Variants in CSMD1 observed in about 807,000 individuals in gnomAD.
CSMD1 encodes CUB and Sushi multiple domains 1.
In CSMD1, 213 loss-of-function variants were observed where a neutral mutation model predicts 417.5. The ratio of observed to expected loss-of-function variants is 0.51; its 90% CI spans 0.46 to 0.57. CSMD1 has a LOEUF of 0.57. Among genes scored for constraint, CSMD1 ranks in the 20% least tolerant of loss-of-function variants. CSMD1 has a pLI of 0.00. For missense variants in CSMD1, 6,923 were observed against 4,529.7 expected, an observed-to-expected ratio of 1.53 and a Z score of -15.17; for synonymous variants, 2,862 against 1,736.8, an observed-to-expected ratio of 1.65 and a Z score of -16.11.
At chr8:3,663,508 C>A (rs1436040400) in intron 7 of CSMD1, among the ~76,000 whole-genome samples, 2 of 152,154 alleles carry the variant, frequency 1.3e-5, no homozygotes, top group Non-Finnish European at 2.9e-5. Flanking sequence ...CCCAAAATCA[C>A]TGAGCTACAG....
intron 4 of CSMD1, among the ~76,000 whole-genome samples, chr8:4,027,289 G>C (rs908681228): frequency 1.3e-5 from 2 of 152,176 alleles, no homozygotes; most frequent in African/African-American, 4.8e-5. Context: ...TGTTAGGAGA[G>C]AGTGAGTCAG....
intron 5 of CSMD1, among the ~76,000 whole-genome samples, chr8:3,939,708 C>T (rs1396730974): frequency 6.6e-6 from 1 of 152,034 alleles, no homozygotes; most frequent in Non-Finnish European, 1.5e-5. Flanking sequence ...AAAAACAGTG[C>T]CTTTTGCAGC....
intron 26 of CSMD1, among the ~76,000 whole-genome samples, chr8:3,251,869 T>C (rs1800292140): frequency 6.6e-6 from 1 of 151,992 alleles, no homozygotes; most frequent in South Asian, 2.1e-4. Flanking sequence ...TTTCTTTGTC[T>C]GTTGTTGGTG....
At chr8:4,959,678 T>G (rs1164223333) in intron 1 of CSMD1, among the ~76,000 whole-genome samples, 1 of 152,240 alleles carries the variant, frequency 6.6e-6, no homozygotes, top group Non-Finnish European at 1.5e-5. Flanking sequence ...TTGTCTAACT[T>G]TGATCAAAAC....
intron 10 of CSMD1, among the ~76,000 whole-genome samples, chr8:3,534,847 T>C (rs925718254): frequency 7.2e-5 from 11 of 152,224 alleles, no homozygotes; most frequent in African/African-American, 2.7e-4. Flanking sequence ...GTTGCTCTTT[T>C]GCCTAGATGT....
At chr8:3,481,313 T>C (rs748070654) in intron 11 of CSMD1, among the ~76,000 whole-genome samples, 4 of 152,088 alleles carry the variant, frequency 2.6e-5, no homozygotes, top group African/African-American at 9.7e-5. Flanking sequence ...CTATACAATA[T>C]AAACTGGACT....
chr8:3,831,650 T>A (rs576613603), intron 5 of CSMD1, among the ~76,000 whole-genome samples: 1 of 152,182 alleles, frequency 6.6e-6, no homozygotes, highest in South Asian at 2.1e-4. Context: ...TCAAAAGGAA[T>A]CTATGACAAA....
intron 7 of CSMD1, among the ~76,000 whole-genome samples, chr8:3,658,592 G>C (rs531468200): frequency 2.6e-5 from 4 of 151,658 alleles, no homozygotes; most frequent in African/African-American, 7.3e-5. Context: ...AGACCAGCTT[G>C]GCCAACATGA....
chr8:3,646,313 TAA>T (rs1178972802), intron 7 of CSMD1, among the ~76,000 whole-genome samples: 1 of 152,188 alleles, frequency 6.6e-6, no homozygotes, highest in Non-Finnish European at 1.5e-5. Flanking sequence ...CTAAATATAC[TAA>T]AATATAGAAG....
chr8:3,172,185 C>A (rs897950007), intron 37 of CSMD1, among the ~76,000 whole-genome samples: 1 of 152,110 alleles, frequency 6.6e-6, no homozygotes, highest in African/African-American at 2.4e-5. Context: ...CCTTTTTCAA[C>A]CTTCTTTCCT....
At chr8:3,848,091 A>G (rs966487538) in intron 5 of CSMD1, among the ~76,000 whole-genome samples, 2 of 108,036 alleles carry the variant, frequency 1.9e-5, no homozygotes, top group African/African-American at 4.5e-5. Flanking sequence ...CTCTCTCTCT[A>G]AATATATATA....
chr8:3,651,158 G>C (rs1797834153), intron 7 of CSMD1, among the ~76,000 whole-genome samples: 1 of 152,090 alleles, frequency 6.6e-6, no homozygotes, highest in African/African-American at 2.4e-5. Context: ...GCCGGTCTTT[G>C]TACTTTCCCC....
chr8:4,399,380 G>C (rs1245658203), intron 3 of CSMD1, among the ~76,000 whole-genome samples: 5 of 152,158 alleles, frequency 3.3e-5, no homozygotes, highest in South Asian at 2.1e-4. Context: ...AATTAGAATA[G>C]AGTTTCAAAC....
intron 5 of CSMD1, among the ~76,000 whole-genome samples, chr8:3,872,621 C>G (rs1805550976): frequency 6.6e-6 from 1 of 152,114 alleles, no homozygotes; most frequent in Non-Finnish European, 1.5e-5. Context: ...TCAGTTTCCA[C>G]AATCCATTCA....
chr8:4,843,553 G>A (rs1467909282), intron 1 of CSMD1, among the ~76,000 whole-genome samples: 2 of 152,024 alleles, frequency 1.3e-5, no homozygotes, highest in African/African-American at 2.4e-5. Context: ...CATCATAAAG[G>A]CCCAATCTAA....
intron 41 of CSMD1, among the ~76,000 whole-genome samples, chr8:3,131,986 C>A (rs1236763465): frequency 3.9e-5 from 6 of 152,170 alleles, no homozygotes; most frequent in Admixed American, 3.9e-4. Flanking sequence ...CCTTCACAAT[C>A]CAATACCATC....
chr8:3,553,353 C>G (rs1417076863), intron 10 of CSMD1, among the ~76,000 whole-genome samples: 1 of 152,208 alleles, frequency 6.6e-6, no homozygotes, highest in Non-Finnish European at 1.5e-5. Context: ...AAGTCATTAA[C>G]TGCCTTTTTT....
intron 1 of CSMD1, among the ~76,000 whole-genome samples, chr8:4,796,202 C>T (rs932664193): frequency 5.3e-5 from 8 of 151,972 alleles, no homozygotes; most frequent in African/African-American, 1.9e-4. Context: ...AGACCAGCTC[C>T]CCCTGCATCT....
At chr8:3,750,252 A>C (rs1797267539) in intron 6 of CSMD1, among the ~76,000 whole-genome samples, 1 of 151,872 alleles carries the variant, frequency 6.6e-6, no homozygotes, top group South Asian at 2.1e-4. Context: ...ATAACGTTAA[A>C]AAGATTATAA....
Sources: allele counts gnomAD v4.1 joint callset (sites outside exome capture counted in the v4.1 genomes callset), GRCh38; gene constraint gnomAD v4.1.1; transcripts MANE v1.5; gene names NCBI Gene and HGNC (gene_info 2026-07-23, HGNC 2026-07-21).